Variants in DNAH11 observed in about 807,000 individuals in gnomAD.
DNAH11 encodes the protein axonemal beta dynein heavy chain 11.
DNAH11 carries 442 observed loss-of-function variants against 526.0 expected under a neutral mutation model. The observed-to-expected ratio is 0.84, with a 90% CI of 0.78 to 0.91. The LOEUF is 0.91. Among genes scored for constraint, DNAH11 ranks in the 40% least tolerant of loss-of-function variants. The pLI, the probability that DNAH11 is intolerant of heterozygous loss-of-function variation, is 0.00. For synonymous variants in DNAH11, 2,461 were observed against 1,935.9 expected, an observed-to-expected ratio of 1.27 and a Z score of -7.12; for missense variants, 6,989 against 5,448.7, an observed-to-expected ratio of 1.28 and a Z score of -8.90.
At position 21,698,199 on chromosome 7, in the gene DNAH11, C is replaced by T. The variant is rs771785210; in HGVS notation, c.6166C>T (p.Leu2056Phe). 4 of 1,613,318 alleles carry T rather than the reference C, an allele frequency of 2.5e-6. No homozygotes were observed. The highest frequency in any genetic ancestry group is 3.3e-5 in the Admixed American group (2 of 59,916). Residue 2056 changes from leucine (L) to phenylalanine (F), a missense_variant, in exon 36 of 82, where the codon CTT becomes TTT. Leu to Phe is a conservative substitution (Grantham distance 22). Coordinates refer to ENST00000409508, the MANE Select transcript of DNAH11 (RefSeq NM_001277115.2). ...FITLYTLCKE[L>F]LSKQDHYDWG... ...TACGTTGTACACGCTTTGCAAGGAG[C>T]TTCTCTCCAAGCAGGTGAGGGATCA... is the stretch of plus-strand genomic sequence containing the variant.
intron 81 of DNAH11, 51 bp downstream of exon 81, chr7:21,900,171 A>G: frequency 3.8e-6 from 6 of 1,559,846 alleles, no homozygotes; most frequent in East Asian, 2.3e-5. Context: ...TCAGGTTCAG[A>G]TCAGTGTTTG....
At chr7:21,851,387 A>G (rs963907823) in intron 66 of DNAH11, 1 of 302,568 alleles carries the variant, frequency 3.3e-6, no homozygotes, top group Admixed American at 3.9e-5. Flanking sequence ...TTCTTTTTAA[A>G]TTACCCAGTC....
chr7:21,610,286 C>T (rs1182249033), intron 20 of DNAH11, among the ~76,000 whole-genome samples: 3 of 151,996 alleles, frequency 2.0e-5, no homozygotes, highest in African/African-American at 7.2e-5. Flanking sequence ...AAAAGATACT[C>T]TGGGAGTTTG....
intron 65 of DNAH11, among the ~76,000 whole-genome samples, chr7:21,835,983 A>C (rs761572789): frequency 6.6e-6 from 1 of 152,056 alleles, no homozygotes; most frequent in Non-Finnish European, 1.5e-5. Flanking sequence ...TGAAAATTCA[A>C]GAAAGCAATT....
chr7:21,587,471 C>T lies in DNAH11; in HGVS notation c.1711-593C>T, dbSNP rs559239954. On this transcript the variant is annotated intron_variant, in intron 9 of 81. Transcript: ENST00000409508. ...TGACTCTGAGAAAGAATCTTATTAG[C>T]TCAAAGCATTGATTTGAGCCAGGAC... 2.6e-5 allele frequency among the ~76,000 whole-genome samples: 4 copies of T among 152,226 alleles called. No homozygotes were observed. In the South Asian group the frequency reaches 8.3e-4, roughly 32 times the overall value.
chr7:21,662,237 TA>T (rs1253498369), intron 30 of DNAH11, among the ~76,000 whole-genome samples: 1 of 152,188 alleles, frequency 6.6e-6, no homozygotes, highest in East Asian at 1.9e-4. Flanking sequence ...ACAACTTATT[TA>T]ATACATTTTC....
At chr7:21,892,273 A>C (rs2128047514) in intron 76 of DNAH11, among the ~76,000 whole-genome samples, 152 bp from the exon 77 acceptor site, 1 of 152,308 alleles carries the variant, frequency 6.6e-6, no homozygotes, top group East Asian at 1.9e-4. Flanking sequence ...CATATAGAGC[A>C]AAATTGTTGA....
At chr7:21,800,712 C>G (rs7790142) in intron 61 of DNAH11, among the ~76,000 whole-genome samples, 1 of 152,158 alleles carries the variant, frequency 6.6e-6, no homozygotes, top group Non-Finnish European at 1.5e-5. Context: ...ACTGCCTGAA[C>G]TATGAACCCA....
intron 40 of DNAH11, 30 bp from the exon 41 acceptor site, chr7:21,710,523 T>C: frequency 6.5e-7 from 1 of 1,544,796 alleles, no homozygotes; most frequent in East Asian, 2.3e-5. Flanking sequence ...ATCGTAGAAA[T>C]AAACAGCACT....
intron 75 of DNAH11, among the ~76,000 whole-genome samples, chr7:21,882,124 GC>G (rs1370920856): frequency 2.6e-5 from 4 of 152,178 alleles, no homozygotes; most frequent in African/African-American, 9.7e-5. Flanking sequence ...CTGTGAGGCT[GC>G]AACCGGGAAT....
Position 21,710,624 on chromosome 7 carries a change from G to A in DNAH11, c.6755G>A (p.Gly2252Glu). 6.2e-7 allele frequency: 1 copy of A among 1,613,282 alleles called. No individual in the cohort carries two copies. Among genetic ancestry groups the A allele is most frequent in the Non-Finnish European group, 8.5e-7 (1 of 1,179,556 alleles). ...LREQANLKHD[G>E]PKWIVLDGDI... ...GAACAAGCAAATCTTAAGCATGATGGACCAAAATGGATAGTCCTGGATGGC... is the reference window on the plus strand; with the variant it reads ...GAACAAGCAAATCTTAAGCATGATGAACCAAAATGGATAGTCCTGGATGGC... Residue 2252 changes from glycine to glutamate, a missense_variant, in exon 41 of 82, where the codon GGA becomes GAA. By Grantham distance (98) the Gly-to-Glu change is moderately conservative (BLOSUM62 -2). Transcript: ENST00000409508.
intron 44 of DNAH11, among the ~76,000 whole-genome samples, chr7:21,723,128 G>A (rs549301051): frequency 1.3e-5 from 2 of 152,314 alleles, no homozygotes; most frequent in African/African-American, 4.8e-5. Context: ...CAATATGCAT[G>A]AAACAGACAC....
chr7:21,652,341 A>G (rs565294523), intron 28 of DNAH11, among the ~76,000 whole-genome samples: 23 of 152,342 alleles, frequency 1.5e-4, no homozygotes, highest in Non-Finnish European at 2.9e-4. Flanking sequence ...ATTTCATGAC[A>G]TTGAATGCTT....
At chr7:21,594,380 T>A (rs1784796599) in intron 14 of DNAH11, among the ~76,000 whole-genome samples, 1 of 152,098 alleles carries the variant, frequency 6.6e-6, no homozygotes, top group Non-Finnish European at 1.5e-5. Context: ...CCTTTCTAGG[T>A]TTTTGAAATA....
rs1260879754 is a variant in DNAH11 at position 21,591,535 on chromosome 7, G to A, written c.2625G>A (p.Lys875=). Residue 875 remains lysine, a synonymous_variant, in exon 14 of 82, where the codon AAG becomes AAA. Coordinates refer to ENST00000409508, the MANE Select transcript of DNAH11 (RefSeq NM_001277115.2). ...DKGDLFTKKY[K]LIQGDGCKIH... ...GTGATTTGTTTACAAAAAAATACAAGTTAATCCAAGGAGATGGCTGCAAGA... is the reference window on the plus strand; with the variant it reads ...GTGATTTGTTTACAAAAAAATACAAATTAATCCAAGGAGATGGCTGCAAGA... 1.3e-6 allele frequency: 2 copies of A among 1,593,106 alleles called. No individual in the cohort carries two copies. The highest frequency in any genetic ancestry group is 1.7e-5 in the Admixed American group (1 of 58,864).
chr7:21,626,523 T>C (rs1042845182), intron 25 of DNAH11, among the ~76,000 whole-genome samples: 15 of 152,130 alleles, frequency 9.9e-5, no homozygotes, highest in Non-Finnish European at 1.6e-4. Flanking sequence ...AAACTCTCCG[T>C]ACTGTTCTCC....
chr7:21,694,360 A>G (rs1554270157), intron 35 of DNAH11, among the ~76,000 whole-genome samples: 1 of 151,590 alleles, frequency 6.6e-6, no homozygotes, highest in Non-Finnish European at 1.5e-5. Flanking sequence ...GCCCCCCACC[A>G]CCTGACAGGC....
intron 65 of DNAH11, among the ~76,000 whole-genome samples, chr7:21,835,896 T>C (rs1583753964): frequency 6.8e-6 from 1 of 147,100 alleles, no homozygotes; most frequent in Admixed American, 6.7e-5. Context: ...TTAGAACTAA[T>C]AAACAAATTC....
At chr7:21,762,726 C>T (rs1025540442) in intron 54 of DNAH11, among the ~76,000 whole-genome samples, 2 of 152,080 alleles carry the variant, frequency 1.3e-5, no homozygotes, top group South Asian at 2.1e-4. Context: ...GAAATTGGAC[C>T]TTGTCTTACA....
Sources: gnomAD v4.1 joint callset for allele counts (sites outside exome capture counted in the v4.1 genomes callset) on GRCh38, gnomAD v4.1.1 for gene constraint, MANE v1.5 for transcripts, NCBI Gene and HGNC (gene_info 2026-07-23, HGNC 2026-07-21) for gene names.